PDXK: variants seen among roughly 807,000 people sequenced by gnomAD.
PDXK encodes pyridoxal kinase, also known as epididymis secretory sperm binding protein Li 1a.
In PDXK, 15 loss-of-function variants were observed where a neutral mutation model predicts 43.2. The observed-to-expected ratio is 0.35, with a 90% CI of 0.23 to 0.53. PDXK has a LOEUF of 0.53. Among genes scored for constraint, PDXK ranks in the 20% least tolerant of loss-of-function variants. The probability of loss-of-function intolerance (pLI) is 0.92; values close to 1 mark genes in which losing one functional copy is unlikely to be tolerated. For synonymous variants in PDXK, 172 were observed against 165.4 expected (o/e 1.04, Z -0.31); for missense variants, 343 against 417.0 (o/e 0.82, Z 1.54).
rs1001672513 is a variant in PDXK, at chr21:43,733,970, G to A, written c.88-99G>A. On this transcript the variant is annotated intron_variant, in intron 1 of 10. Coordinates refer to ENST00000291565, the MANE Select transcript of PDXK (RefSeq NM_003681.5). ...CAGCTGGGGGCCCCGTGCCAGCCGG[G>A]ACTCATTTACTCCCCTCTTCTGAGT... 142 of 1,216,472 alleles carry A rather than the reference G, an allele frequency of 1.2e-4. No homozygotes were observed. In the South Asian group the frequency reaches 1.7e-3, roughly 14 times the overall value. The allele number at this position is 1,216,472 out of a possible 1,614,324, so 75.4% of individuals were successfully genotyped here.
chr21:43,725,494 T>A (rs2083244860), intron 1 of PDXK, among the ~76,000 whole-genome samples: 1 of 152,106 alleles, frequency 6.6e-6, no homozygotes, highest in African/African-American at 2.4e-5. Flanking sequence ...CAAGGTGACA[T>A]GCATTTGCAA....
Position 43,723,285 on chromosome 21 carries a change from G to C in PDXK, c.87+3904G>C, listed in dbSNP as rs2083223411. Among the ~76,000 whole-genome samples the C allele has an allele frequency of 6.6e-6, 1 of 151,866 alleles. No homozygotes were observed. The highest frequency in any genetic ancestry group is 6.6e-5 in the Admixed American group (1 of 15,212). ...TTCTCCTGCCTCAGCCTCCTGAGTA[G>C]CTGGGATTACAAGTATGCACCACCA... On this transcript the variant is annotated intron_variant, in intron 1 of 10. Transcript: ENST00000291565. The surrounding 1 kb of genome is among the most constrained non-coding windows in gnomAD (Gnocchi z 4.1).
At chr21:43,752,928 G>A (rs1203437443) in intron 8 of PDXK, among the ~76,000 whole-genome samples, 1 of 152,168 alleles carries the variant, frequency 6.6e-6, no homozygotes, top group Non-Finnish European at 1.5e-5. Flanking sequence ...TGTGCTGATT[G>A]TTTACACAGA....
chr21:43,736,940 T>C lies in PDXK; in HGVS notation c.142+2817T>C, dbSNP rs1453759204. On this transcript the variant is annotated intron_variant, in intron 2 of 10. Transcript: ENST00000291565. ...TGAGACTCCACGCCCAGTCTTTTCT[T>C]TTTTCTTTTTTAGAGACAAGGTCGG... 6 of 701,654 alleles carry C rather than the reference T, an allele frequency of 8.6e-6. No individual in the cohort carries two copies. The South Asian group carries it at 8.9e-5, about 10-fold the overall frequency. 43.5% of individuals were successfully genotyped at this position (701,654 alleles called of 1,614,324 possible).
Position 43,732,562 on chromosome 21 carries a change from A to C in PDXK, c.88-1507A>C, listed in dbSNP as rs905656425. On this transcript the variant is annotated intron_variant, in intron 1 of 10. Coordinates refer to ENST00000291565, the MANE Select transcript of PDXK (RefSeq NM_003681.5). The surrounding 1 kb of genome is among the most constrained non-coding windows in gnomAD (Gnocchi z 4.1). ...CAGCCCCAAAGGATTAATTATCTAC[A>C]CACCCAGAAGCAGTGGAGCAGAATA... 6.4e-6 allele frequency: 6 copies of C among 931,752 alleles called. No individual in the cohort carries two copies. The highest frequency in any genetic ancestry group is 1.1e-5 in the Non-Finnish European group (6 of 557,116). 57.7% of individuals were successfully genotyped at this position (931,752 alleles called of 1,614,324 possible). A position where few individuals can be genotyped will look rare whatever the true frequency, so the allele number is the denominator to read the frequency against.
rs1285168735 is a variant in PDXK, at chr21:43,734,639, G to A, written c.142+516G>A. On this transcript the variant is annotated intron_variant, in intron 2 of 10. Coordinates refer to ENST00000291565, the MANE Select transcript of PDXK (RefSeq NM_003681.5). The surrounding 1 kb of genome is among the most constrained non-coding windows in gnomAD (Gnocchi z 5.0). ...GTTAACAGCAGTGCTGCAGGGCCCC[G>A]TGTGTGCCTCTGTCTCCCTGCCCTG... Among the ~76,000 whole-genome samples the A allele has an allele frequency of 1.3e-5, 2 of 152,158 alleles. No homozygotes were observed. Among genetic ancestry groups the A allele is most frequent in the Non-Finnish European group, 2.9e-5 (2 of 68,026 alleles).
In PDXK at chr21:43,737,106, G is replaced by A. The variant is rs1008934542; in HGVS notation, c.142+2983G>A. ...CACCAGCACGCCCACCTCCTGCCCA[G>A]GGTTGTTACTGGGGTGGTCACGTGG... On this transcript the variant is annotated intron_variant, in intron 2 of 10. Coordinates refer to ENST00000291565, the MANE Select transcript of PDXK (RefSeq NM_003681.5). The surrounding 1 kb of genome is among the most constrained non-coding windows in gnomAD (Gnocchi z 4.8). 4.5e-5 allele frequency: 44 copies of A among 988,174 alleles called. No homozygotes were observed. The highest frequency in any genetic ancestry group is 6.2e-5 in the Non-Finnish European group (40 of 647,840). 61.2% of individuals were successfully genotyped at this position (988,174 alleles called of 1,614,324 possible). A position where few individuals can be genotyped will look rare whatever the true frequency, so the allele number is the denominator to read the frequency against.
chr21:43,735,220 A>G lies in PDXK; in HGVS notation c.142+1097A>G, dbSNP rs2083383264. ...GCCCTCCAGGAGCCTCCCTGAACCC[A>G]CATGTCCTTCCTGGCTGCTCTCGCC... On this transcript the variant is annotated intron_variant, in intron 2 of 10. Coordinates refer to ENST00000291565, the MANE Select transcript of PDXK (RefSeq NM_003681.5). The surrounding 1 kb of genome is among the most constrained non-coding windows in gnomAD (Gnocchi z 5.3). Among the ~76,000 whole-genome samples, 1 of 152,176 alleles carries G rather than the reference A, an allele frequency of 6.6e-6. No individual in the cohort carries two copies. The highest frequency in any genetic ancestry group is 2.1e-4 in the South Asian group (1 of 4,820).
chr21:43,750,678 C>A (rs1034989788), intron 7 of PDXK, 133 bp downstream of exon 7: 18 of 628,534 alleles, frequency 2.9e-5, no homozygotes, highest in Non-Finnish European at 5.1e-5. Context: ...CAGTCGGGGC[C>A]TCCAGAGATC....
chr21:43,737,404 G>A lies in PDXK; in HGVS notation c.142+3281G>A, dbSNP rs969341297. 1.7e-6 allele frequency: 2 copies of A among 1,152,392 alleles called. No homozygotes were observed. The highest frequency in any genetic ancestry group is 2.1e-6 in the Non-Finnish European group (2 of 930,774). 71.4% of individuals were successfully genotyped at this position (1,152,392 alleles called of 1,614,324 possible). On this transcript the variant is annotated intron_variant, in intron 2 of 10. Transcript: ENST00000291565. The surrounding 1 kb of genome is among the most constrained non-coding windows in gnomAD (Gnocchi z 4.8). ...CACACCGTGAGCTGGGCTTGGCAGA[G>A]CCTCCACCTTGTGGCCAGTATTCCC...
intron 2 of PDXK, 183 bp from the exon 3 acceptor site, chr21:43,741,484 A>C: frequency 7.5e-7 from 1 of 1,331,252 alleles, no homozygotes; most frequent in Non-Finnish European, 9.6e-7. Flanking sequence ...GAGGCGTCCC[A>C]TGTGGGCAGC....
chr21:43,728,813 C>T, intron 1 of PDXK: 4 of 985,518 alleles, frequency 4.1e-6, no homozygotes, highest in Non-Finnish European at 4.8e-6. Context: ...AGAGCTCCTG[C>T]GGTCCAGCCG....
At position 43,755,741 on chromosome 21, in the gene PDXK, A is replaced by G; in HGVS notation, c.803A>G (p.Gln268Arg). The change falls in exon 10 of 11, where the codon CAG (glutamine) becomes CGG (arginine). Residue 268 changes from glutamine (Q) to arginine (R), a missense_variant. Transcript: ENST00000291565. ...KTVSTLHHVL[Q>R]RTIQCAKAQA... ...GTGTCTACCTTGCACCACGTTCTGC[A>G]GAGGACCATCCAGTGTGCAAAAGGT... 6.2e-7 allele frequency: 1 copy of G among 1,614,102 alleles called. No individual in the cohort carries two copies. Among genetic ancestry groups the G allele is most frequent in the Non-Finnish European group, 8.5e-7 (1 of 1,179,976 alleles).
chr21:43,734,040 C>A lies in PDXK; in HGVS notation c.88-29C>A, dbSNP rs375526488. On this transcript the variant is annotated intron_variant, in intron 1 of 10. Transcript: ENST00000291565. This position sits in a 1 kb window ranked among gnomAD's most constrained non-coding sequence, Gnocchi z 5.0. ...TGGGACCCCAGACCTGGCTCTCTTA[C>A]GCCTACCTGTTCCTTCTCTGTCTTG... The A allele has an allele frequency of 1.2e-6, 2 of 1,612,142 alleles. No homozygotes were observed. The highest frequency in any genetic ancestry group is 1.7e-6 in the Non-Finnish European group (2 of 1,178,210).
At chr21:43,742,004 T>C (rs958568479) in intron 3 of PDXK, among the ~76,000 whole-genome samples, 3 of 151,962 alleles carry the variant, frequency 2.0e-5, no homozygotes, top group African/African-American at 7.2e-5. Flanking sequence ...CCCCCACTCC[T>C]GTGACCACAC....
chr21:43,731,327 A>G (rs564409577), intron 1 of PDXK, among the ~76,000 whole-genome samples: 3 of 152,302 alleles, frequency 2.0e-5, no homozygotes, highest in Non-Finnish European at 2.9e-5. Flanking sequence ...ATGTCATTCA[A>G]TTAAACTCTC....
intron 2 of PDXK, among the ~76,000 whole-genome samples, chr21:43,740,214 G>T (rs1468076213): frequency 2.0e-5 from 3 of 152,088 alleles, no homozygotes; most frequent in African/African-American, 4.8e-5. Flanking sequence ...CCCGTGCGAC[G>T]GCTGCTGGGG....
chr21:43,756,342 G>T lies in PDXK; in HGVS notation c.*279G>T. On this transcript the variant is annotated 3_prime_UTR_variant, in exon 11 of 11. Transcript: ENST00000291565. Reference sequence around the variant, plus strand: ...CGGGCCCCTGTTTGCCATCTCGGGGGTGTTCCCTGTGGGAGGGTGAGTGGG... The same window carrying T: ...CGGGCCCCTGTTTGCCATCTCGGGGTTGTTCCCTGTGGGAGGGTGAGTGGG... 2.8e-6 allele frequency: 1 copy of T among 352,018 alleles called. No homozygotes were observed. Among genetic ancestry groups the T allele is most frequent in the Admixed American group, 4.2e-5 (1 of 23,916 alleles). 21.8% of individuals were successfully genotyped at this position (352,018 alleles called of 1,614,324 possible).
At chr21:43,745,394 T>G (rs1601821933) in intron 4 of PDXK, among the ~76,000 whole-genome samples, 1 of 142,050 alleles carries the variant, frequency 7.0e-6, no homozygotes, top group Non-Finnish European at 1.5e-5. Flanking sequence ...CACTCCAGCT[T>G]GGGTGACAGG....
Sources: allele counts gnomAD v4.1 joint callset (sites outside exome capture counted in the v4.1 genomes callset), GRCh38; gene constraint gnomAD v4.1.1; non-coding constraint Gnocchi (gnomAD v3.1); transcripts MANE v1.5; gene names NCBI Gene and HGNC (gene_info 2026-07-23, HGNC 2026-07-21).